The following FSTL4 variants were observed in gnomAD, a reference collection of about 807,000 sequenced individuals.
The protein encoded by FSTL4 is follistatin-related protein 4.
In FSTL4, 28 loss-of-function variants were observed where a neutral mutation model predicts 78.2. That is an observed-to-expected ratio of 0.36 (90% CI 0.27 to 0.49). The LOEUF (loss-of-function observed/expected upper bound fraction) is 0.49. Among genes scored for constraint, FSTL4 ranks in the 20% least tolerant of loss-of-function variants. The pLI is 0.98. For missense variants in FSTL4, 922 were observed against 1,084.9 expected, an observed-to-expected ratio of 0.85 and a Z score of 2.11; for synonymous variants, 422 against 440.5, an observed-to-expected ratio of 0.96 and a Z score of 0.53.
chr5:133,526,909 G>A (rs1311852784), intron 3 of FSTL4, among the ~76,000 whole-genome samples: 1 of 152,108 alleles, frequency 6.6e-6, no homozygotes, highest in Non-Finnish European at 1.5e-5. Context: ...ACCTCCAAAA[G>A]GCTCTCCGGA....
chr5:133,691,112 A>C, the FSTL4 span, among the ~76,000 whole-genome samples: 1 of 152,246 alleles, frequency 6.6e-6, no homozygotes, highest in African/African-American at 2.4e-5. Flanking sequence ...ATGTCTCTGA[A>C]AAATCAATTT....
intron 4 of FSTL4, among the ~76,000 whole-genome samples, chr5:133,331,215 G>T (rs1288259836): frequency 3.3e-5 from 5 of 152,224 alleles, no homozygotes; most frequent in African/African-American, 1.2e-4. Context: ...CCCCCAGGCA[G>T]GGCAGGTGTG....
the FSTL4 span, among the ~76,000 whole-genome samples, chr5:133,767,869 A>G: frequency 2.6e-5 from 4 of 152,236 alleles, no homozygotes; most frequent in Admixed American, 6.5e-5. Flanking sequence ...TTTGTGCAGC[A>G]TCTCCCTCTG....
At chr5:133,652,032 T>G in the FSTL4 span, among the ~76,000 whole-genome samples, 2 of 152,138 alleles carry the variant, frequency 1.3e-5, no homozygotes, top group Non-Finnish European at 2.9e-5. Flanking sequence ...TTATCAAATT[T>G]GTGAGCTTAG....
At chr5:133,462,275 T>A (rs1201572331) in intron 3 of FSTL4, among the ~76,000 whole-genome samples, 1 of 152,212 alleles carries the variant, frequency 6.6e-6, no homozygotes, top group Non-Finnish European at 1.5e-5. Context: ...TTGGCACTCA[T>A]AGCCCTTGAG....
In FSTL4 at chr5:133,335,688, G is replaced by A. The variant is rs768317698; in HGVS notation, c.410-19036C>T. Among the ~76,000 whole-genome samples, 4 of 151,580 alleles carry A rather than the reference G, an allele frequency of 2.6e-5. No homozygotes were observed. The South Asian group carries it at 8.4e-4, about 32-fold the overall frequency. Reference sequence around the variant, plus strand: ...CTCTCCCCTCCCCTTTCTTGGGGGGGGTGGCAATCAGAGTCCAAATTCTGC... The same window carrying A: ...CTCTCCCCTCCCCTTTCTTGGGGGGAGTGGCAATCAGAGTCCAAATTCTGC... On this transcript the variant is annotated intron_variant, in intron 4 of 15. Transcript: ENST00000265342.
At chr5:133,762,416 G>T in the FSTL4 span, among the ~76,000 whole-genome samples, 2 of 152,110 alleles carry the variant, frequency 1.3e-5, no homozygotes, top group African/African-American at 4.8e-5. Context: ...CACCTCCTTT[G>T]GAATGTAGTC....
chr5:133,780,572 T>G, the FSTL4 span, among the ~76,000 whole-genome samples: 1 of 152,168 alleles, frequency 6.6e-6, no homozygotes, highest in Non-Finnish European at 1.5e-5. Flanking sequence ...TACCCAGCAC[T>G]TAGCACAGAA....
chr5:133,400,228 C>T (rs1289691544), intron 4 of FSTL4, among the ~76,000 whole-genome samples: 3 of 152,180 alleles, frequency 2.0e-5, no homozygotes, highest in East Asian at 1.9e-4. Flanking sequence ...TTGTCTTGCT[C>T]AGAGGTGTTC....
chr5:133,645,987 G>A, the FSTL4 span, among the ~76,000 whole-genome samples: 3 of 152,166 alleles, frequency 2.0e-5, no homozygotes, highest in Non-Finnish European at 4.4e-5. Context: ...ATTGTGTTAT[G>A]GCAAGCCCAG....
At chr5:133,771,618 C>A in the FSTL4 span, among the ~76,000 whole-genome samples, 1 of 152,006 alleles carries the variant, frequency 6.6e-6, no homozygotes, top group African/African-American at 2.4e-5. Flanking sequence ...ATTTATCAAA[C>A]CTAAGGATTT....
intron 1 of FSTL4, among the ~76,000 whole-genome samples, chr5:133,610,950 G>A (rs543306628): frequency 2.0e-5 from 3 of 151,904 alleles, no homozygotes; most frequent in Admixed American, 2.0e-4. Flanking sequence ...TTTACGTTTG[G>A]CCCAGAGAAC....
At chr5:133,372,074 G>A (rs1236939480) in intron 4 of FSTL4, among the ~76,000 whole-genome samples, 7 of 152,162 alleles carry the variant, frequency 4.6e-5, no homozygotes, top group African/African-American at 1.2e-4. Flanking sequence ...CCCACAGGCC[G>A]AACATGTGCC....
At chr5:133,810,184 G>A in the FSTL4 span, among the ~76,000 whole-genome samples, 12 of 152,302 alleles carry the variant, frequency 7.9e-5, no homozygotes, top group Admixed American at 7.8e-4. Flanking sequence ...TGGCTTTTGA[G>A]GATCTGACTC....
chr5:133,595,568 T>C (rs1468375539), intron 2 of FSTL4, among the ~76,000 whole-genome samples: 3 of 152,182 alleles, frequency 2.0e-5, no homozygotes, highest in Non-Finnish European at 4.4e-5. Context: ...TGCTACGTGA[T>C]ATGTGGCCAT....
intron 13 of FSTL4, among the ~76,000 whole-genome samples, chr5:133,215,370 G>A (rs561750564): frequency 1.1e-4 from 16 of 152,230 alleles, no homozygotes; most frequent in Admixed American, 4.6e-4. Context: ...ATATGGTGAC[G>A]ATACCCAAAT....
chr5:133,681,878 C>T, the FSTL4 span, among the ~76,000 whole-genome samples: 10 of 152,160 alleles, frequency 6.6e-5, no homozygotes, highest in African/African-American at 2.2e-4. Context: ...CCAGCCTACC[C>T]TAAAATCCAC....
At chr5:133,826,126 T>C in the FSTL4 span, among the ~76,000 whole-genome samples, 1 of 152,156 alleles carries the variant, frequency 6.6e-6, no homozygotes, top group Non-Finnish European at 1.5e-5. Flanking sequence ...CTGCGCTCCA[T>C]GGCTGGGGAC....
intron 6 of FSTL4, among the ~76,000 whole-genome samples, chr5:133,259,303 A>C (rs191910020): frequency 6.6e-6 from 1 of 151,862 alleles, no homozygotes; most frequent in East Asian, 1.9e-4. Context: ...AGTTAGAGAA[A>C]ACAGCCCATA....
Sources: allele counts gnomAD v4.1 joint callset (sites outside exome capture counted in the v4.1 genomes callset), GRCh38; gene constraint gnomAD v4.1.1; transcripts MANE v1.5; gene names NCBI Gene and HGNC (gene_info 2026-07-23, HGNC 2026-07-21).